The following TIMM23 variants were observed in gnomAD, a reference collection of about 807,000 sequenced individuals.
TIMM23 encodes the protein translocase of inner mitochondrial membrane 23.
In TIMM23, 19 loss-of-function variants were observed where a neutral mutation model predicts 30.7. The observed-to-expected ratio is 0.62, with a 90% CI of 0.43 to 0.91. The LOEUF is 0.91. TIMM23 is among the 40% of genes least tolerant of loss of function. The pLI, the probability that TIMM23 is intolerant of heterozygous loss-of-function variation, is 0.00. For synonymous variants in TIMM23, 78 were observed against 98.5 expected (o/e 0.79, Z 1.23); for missense variants, 202 against 269.2 (o/e 0.75, Z 1.75).
At chr10:45,973,488 C>A (rs1405543788) in intron 1 of TIMM23, among the ~76,000 whole-genome samples, 1 of 152,088 alleles carries the variant, frequency 6.6e-6, no homozygotes, top group African/African-American at 2.4e-5. Flanking sequence ...TTTAGAGAAT[C>A]CTTGTAATAT....
At chr10:45,985,762 T>C (rs1236875326) in intron 5 of TIMM23, among the ~76,000 whole-genome samples, 1 of 152,246 alleles carries the variant, frequency 6.6e-6, no homozygotes, top group Non-Finnish European at 1.5e-5. Context: ...TAAAGAGCTT[T>C]GTATGTTAGG....
At chr10:45,995,183 C>T (rs1354001721) in intron 6 of TIMM23, among the ~76,000 whole-genome samples, 2 of 151,852 alleles carry the variant, frequency 1.3e-5, no homozygotes, top group Non-Finnish European at 2.9e-5. Context: ...GCTTTCTTTT[C>T]ATAATTTATG....
At position 46,003,569 on chromosome 10, in the gene TIMM23, G is replaced by A. The variant is rs1838623809; in HGVS notation, c.*251G>A. On this transcript the variant is annotated 3_prime_UTR_variant, in exon 7 of 7. Transcript: ENST00000580018. ...CTGTTCTCCTCTGGAGATCTTGCAC[G>A]TATCTGTTTTCCTCCCCCATGAACT... The A allele has an allele frequency of 6.2e-6, 2 of 323,970 alleles. No individual in the cohort carries two copies. Among genetic ancestry groups the A allele is most frequent in the Non-Finnish European group, 1.2e-5 (2 of 173,134 alleles). The allele number at this position is 323,970 out of a possible 1,614,324, so 20.1% of individuals were successfully genotyped here. A position where few individuals can be genotyped will look rare whatever the true frequency, so the allele number is the denominator to read the frequency against.
At chr10:45,989,076 T>C (rs1253527728) in intron 6 of TIMM23, among the ~76,000 whole-genome samples, 1 of 152,228 alleles carries the variant, frequency 6.6e-6, no homozygotes, top group Non-Finnish European at 1.5e-5. Flanking sequence ...CATGATTATA[T>C]AACCAATCTC....
chr10:45,978,936 A>G (rs1837757958), intron 2 of TIMM23, among the ~76,000 whole-genome samples: 1 of 152,270 alleles, frequency 6.6e-6, no homozygotes, highest in Non-Finnish European at 1.5e-5. Flanking sequence ...TATCCATACA[A>G]TGGAATATTA....
chr10:45,976,878 G>A (rs1475100167), intron 2 of TIMM23, among the ~76,000 whole-genome samples: 7 of 152,238 alleles, frequency 4.6e-5, no homozygotes, highest in Non-Finnish European at 8.8e-5. Flanking sequence ...AAAATCACAA[G>A]GGAAATCACA....
At chr10:45,998,772 G>T (rs2132283518) in intron 6 of TIMM23, among the ~76,000 whole-genome samples, 1 of 150,560 alleles carries the variant, frequency 6.6e-6, no homozygotes, top group African/African-American at 2.4e-5. Flanking sequence ...CATTTGGCAA[G>T]AAAATAGAAA....
chr10:45,985,516 C>A, intron 5 of TIMM23, 75 bp downstream of exon 5: 7 of 1,547,448 alleles, frequency 4.5e-6, no homozygotes, highest in Non-Finnish European at 6.3e-6. Flanking sequence ...TTGATCAACC[C>A]ATATTCTGGT....
rs1409340070 is a variant in TIMM23 at position 46,003,391 on chromosome 10, ATT to A, written c.*74_*75del. 9.5e-7 allele frequency: 1 copy of A among 1,052,048 alleles called. No homozygotes were observed. The highest frequency in any genetic ancestry group is 1.6e-5 in the African/African-American group (1 of 62,460). The allele number at this position is 1,052,048 out of a possible 1,614,324, so 65.2% of individuals were successfully genotyped here. On this transcript the variant is annotated 3_prime_UTR_variant, in exon 7 of 7. Transcript: ENST00000580018. ...TCCTTTTATAAGACAGTTTGGAGTT[ATT>A]CTCTCTCTTCTACCTACAATTAGTT... is the stretch of plus-strand genomic sequence containing the variant.
intron 6 of TIMM23, among the ~76,000 whole-genome samples, chr10:45,992,833 G>C (rs1838206334): frequency 1.3e-5 from 2 of 152,138 alleles, no homozygotes; most frequent in East Asian, 1.9e-4. Flanking sequence ...TGGGATTACA[G>C]GCATGAACCA....
intron 6 of TIMM23, among the ~76,000 whole-genome samples, chr10:45,991,835 T>C (rs1431676899): frequency 6.6e-6 from 1 of 152,176 alleles, no homozygotes; most frequent in East Asian, 1.9e-4. Context: ...TCTTTCTGTT[T>C]TGTTATATTG....
intron 6 of TIMM23, among the ~76,000 whole-genome samples, chr10:45,991,590 AAAAATAC>A (rs1474603414): frequency 6.6e-6 from 1 of 152,120 alleles, no homozygotes; most frequent in Admixed American, 6.5e-5. Flanking sequence ...GGTTTCCACT[AAAAATAC>A]AAAATTAGCC....
intron 4 of TIMM23, among the ~76,000 whole-genome samples, chr10:45,983,787 G>A (rs782428023): frequency 6.6e-6 from 1 of 152,224 alleles, no homozygotes; most frequent in East Asian, 1.9e-4. Context: ...TGTGTTGCCT[G>A]AGCTGGAGTG....
At chr10:45,996,100 G>A (rs1349453303) in intron 6 of TIMM23, among the ~76,000 whole-genome samples, 2 of 147,044 alleles carry the variant, frequency 1.4e-5, no homozygotes, top group Admixed American at 6.7e-5. Flanking sequence ...AGTGGCTCAC[G>A]TCTGTAATCC....
chr10:45,990,114 T>C (rs1294100326), intron 6 of TIMM23, among the ~76,000 whole-genome samples: 2 of 147,830 alleles, frequency 1.4e-5, no homozygotes, highest in African/African-American at 4.9e-5. Flanking sequence ...AGGCAACTTT[T>C]AATTTTTTTT....
At chr10:45,975,151 T>C (rs1337476322) in intron 1 of TIMM23, among the ~76,000 whole-genome samples, 1 of 152,210 alleles carries the variant, frequency 6.6e-6, no homozygotes, top group Non-Finnish European at 1.5e-5. Context: ...GTGAAAGAAA[T>C]TAGCTTTGTA....
intron 4 of TIMM23, 96 bp from the exon 5 acceptor site, chr10:45,985,287 T>A: frequency 6.9e-7 from 1 of 1,444,320 alleles, no homozygotes; most frequent in South Asian, 1.2e-5. Flanking sequence ...CTTTGCGCCC[T>A]GGGTCTAGAC....
chr10:45,980,750 A>G (rs1837816738), intron 2 of TIMM23, among the ~76,000 whole-genome samples: 1 of 151,998 alleles, frequency 6.6e-6, no homozygotes, highest in African/African-American at 2.4e-5. Context: ...TTTTTAGTAA[A>G]TCTTCTATAC....
intron 5 of TIMM23, among the ~76,000 whole-genome samples, chr10:45,987,683 AG>A (rs1554914971): frequency 7.6e-6 from 1 of 130,880 alleles, no homozygotes; most frequent in African/African-American, 3.0e-5. Flanking sequence ...AGTGCAGTGG[AG>A]CTCACTGCAA....
Sources: allele counts gnomAD v4.1 joint callset (sites outside exome capture counted in the v4.1 genomes callset), GRCh38; gene constraint gnomAD v4.1.1; transcripts MANE v1.5; gene names NCBI Gene and HGNC (gene_info 2026-07-23, HGNC 2026-07-21).